MRPL10: variants seen among roughly 807,000 people sequenced by gnomAD.
MRPL10 encodes mitochondrial ribosomal protein L10.
In MRPL10, 14 loss-of-function variants were observed where a neutral mutation model predicts 19.8. The ratio of observed to expected loss-of-function variants is 0.71; its 90% CI spans 0.47 to 1.11. The LOEUF (loss-of-function observed/expected upper bound fraction) is 1.11, where lower values mean the gene tolerates loss of function less well. Ranked by LOEUF, MRPL10 falls within the 50% of genes least tolerant of loss-of-function variation. The pLI is 0.00. For synonymous variants in MRPL10, 129 were observed against 139.2 expected, an observed-to-expected ratio of 0.93 and a Z score of 0.52; for missense variants, 318 against 339.6, an observed-to-expected ratio of 0.94 and a Z score of 0.50.
chr17:47,825,987 A>G (rs147684050), intron 4 of MRPL10, among the ~76,000 whole-genome samples: 9 of 149,330 alleles, frequency 6.0e-5, no homozygotes, highest in African/African-American at 2.0e-4. Flanking sequence ...AAAAATACGA[A>G]AAAAAAAAAA....
rs139042517 is a variant in MRPL10 at position 47,824,526 on chromosome 17, C to T, written c.533-68G>A. ...TTCTTCTCTGAAAACAATATTCTGA[C>T]CCTAGTAACTTGCTCTCCATTGCCC... On this transcript the variant is annotated intron_variant, in intron 4 of 4. Coordinates refer to ENST00000351111, the MANE Select transcript of MRPL10 (RefSeq NM_145255.4). The T allele has an allele frequency of 5.8e-3, 8,583 of 1,491,682 alleles. 43 individuals carry two copies. The highest frequency in any genetic ancestry group is 0.016 in the Middle Eastern group (89 of 5,446). 92.4% of individuals were successfully genotyped at this position (1,491,682 alleles called of 1,614,324 possible).
intron 4 of MRPL10, among the ~76,000 whole-genome samples, chr17:47,825,516 T>C (rs868364459): frequency 6.6e-6 from 1 of 151,966 alleles, no homozygotes; most frequent in Non-Finnish European, 1.5e-5. Flanking sequence ...TCCCAGCTAC[T>C]TAGGAAGTTA....
Position 47,831,485 on chromosome 17 carries a change from C to T in MRPL10, c.27G>A (p.Leu9=). 6.5e-7 allele frequency: 1 copy of T among 1,549,036 alleles called. No homozygotes were observed. Among genetic ancestry groups the T allele is most frequent in the East Asian group, 2.4e-5 (1 of 40,900 alleles). The part of the protein sequence containing the change: MAAAVAGM[L]RGGLLPQAGR... Reference sequence around the variant, plus strand: ...CCGCCTGGGGCAGGAGACCCCCTCGCAGCATCCCCGCCACGGCCGCAGCCA... The same window carrying T: ...CCGCCTGGGGCAGGAGACCCCCTCGTAGCATCCCCGCCACGGCCGCAGCCA... Residue 9 remains leucine (L), a synonymous_variant, in exon 1 of 5, where the codon CTG becomes CTA. Transcript: ENST00000351111.
chr17:47,831,478 C>A lies in MRPL10; in HGVS notation c.34G>T (p.Gly12Cys), dbSNP rs547336142. The part of the protein sequence containing the change: ...AAAVAGMLRG[G>C]LLPQAGRLPT... Reference sequence around the variant, plus strand: ...TCCTTACCCGCCTGGGGCAGGAGACCCCCTCGCAGCATCCCCGCCACGGCC... The same window carrying A: ...TCCTTACCCGCCTGGGGCAGGAGACACCCTCGCAGCATCCCCGCCACGGCC... The change falls in exon 1 of 5, where the codon GGT (glycine) becomes TGT (cysteine). Residue 12 changes from glycine (G) to cysteine (C), a missense_variant. Gly to Cys is a radical substitution (Grantham distance 159, BLOSUM62 -3). Coordinates refer to ENST00000351111, the MANE Select transcript of MRPL10 (RefSeq NM_145255.4). 2.1e-5 allele frequency: 32 copies of A among 1,548,942 alleles called. No homozygotes were observed. The highest frequency in any genetic ancestry group is 3.4e-4 in the Middle Eastern group (2 of 5,828).
At chr17:47,829,894 CAAA>C (rs202029179) in intron 1 of MRPL10, among the ~76,000 whole-genome samples, 1 of 135,980 alleles carries the variant, frequency 7.4e-6, no homozygotes, top group African/African-American at 2.8e-5. Context: ...AAGACTGTCT[CAAA>C]AAAAAAAAAA....
chr17:47,824,309 G>A lies in MRPL10; in HGVS notation c.682C>T (p.Gln228Ter). 6.2e-7 allele frequency: 1 copy of A among 1,614,158 alleles called. No homozygotes were observed. The highest frequency in any genetic ancestry group is 8.5e-7 in the Non-Finnish European group (1 of 1,180,026). ...THSLLQHQPL[Q>*]LTTLLDQYIR... is the part of the protein sequence containing the mutation. ...TACTGGTCCAACAGGGTGGTCAGCT[G>A]GAGGGGCTGGTGCTGGAGCAGGGAG... Residue 228 changes from glutamine to a stop codon, truncating the protein, a stop_gained, in exon 5 of 5, where the codon CAG (glutamine) becomes TAG (stop). Coordinates refer to ENST00000351111, the MANE Select transcript of MRPL10 (RefSeq NM_145255.4). LOFTEE classifies it low-confidence loss of function (END_TRUNC).
rs1248015061 is a variant in MRPL10, at chr17:47,824,288, G to A, written c.703C>T (p.Gln235Ter). The A allele has an allele frequency of 6.2e-7, 1 of 1,614,018 alleles. No homozygotes were observed. Among genetic ancestry groups the A allele is most frequent in the Non-Finnish European group, 8.5e-7 (1 of 1,180,016 alleles). ...TTCTCGCGTTGCTCTCTGATGTACTGGTCCAACAGGGTGGTCAGCTGGAGG... is the reference window on the plus strand; with the variant it reads ...TTCTCGCGTTGCTCTCTGATGTACTAGTCCAACAGGGTGGTCAGCTGGAGG... ...QPLQLTTLLD[Q>*]YIREQREKDS... The change falls in exon 5 of 5, where the codon CAG becomes TAG. Residue 235 changes from glutamine (Q) to a stop codon, truncating the protein, a stop_gained. Transcript: ENST00000351111. LOFTEE classifies it low-confidence loss of function (END_TRUNC).
intron 4 of MRPL10, among the ~76,000 whole-genome samples, chr17:47,825,965 C>A: frequency 6.7e-6 from 1 of 148,576 alleles, no homozygotes; most frequent in South Asian, 2.2e-4. Flanking sequence ...ACGGTGAAAC[C>A]CCATCTCTAC....
chr17:47,824,106 C>T lies in MRPL10; in HGVS notation c.*99G>A. On this transcript the variant is annotated 3_prime_UTR_variant, in exon 5 of 5. Transcript: ENST00000351111. ...TTACTAGTGAAAACCAAGTGACAAACACACTCCCCGACCCCAAGTTCTTCC... is the reference window on the plus strand; with the variant it reads ...TTACTAGTGAAAACCAAGTGACAAATACACTCCCCGACCCCAAGTTCTTCC... 2.0e-6 allele frequency: 3 copies of T among 1,519,756 alleles called. No homozygotes were observed. Among genetic ancestry groups the T allele is most frequent in the Non-Finnish European group, 2.7e-6 (3 of 1,108,488 alleles). 94.1% of individuals were successfully genotyped at this position (1,519,756 alleles called of 1,614,324 possible).
intron 1 of MRPL10, among the ~76,000 whole-genome samples, 165 bp from the exon 2 acceptor site, chr17:47,828,835 C>G (rs2033579193): frequency 6.6e-6 from 1 of 152,194 alleles, no homozygotes; most frequent in East Asian, 1.9e-4. Flanking sequence ...CCTGAATTTC[C>G]AAAGCTTCTC....
Position 47,828,559 on chromosome 17 carries a change from G to A in MRPL10, c.164C>T (p.Pro55Leu). ...QKLMAVTEYI[P>L]PKPAIHPSCL... ...TGATGGGTGGATGGCTGGTTTCGGGGGGATATATTCAGTCACAGCCATCAG... is the reference window on the plus strand; with the variant it reads ...TGATGGGTGGATGGCTGGTTTCGGGAGGATATATTCAGTCACAGCCATCAG... The change falls in exon 2 of 5, where the codon CCC (proline) becomes CTC (leucine). Residue 55 changes from proline (P) to leucine (L), a missense_variant. Physicochemically the swap from Pro to Leu is moderately conservative, Grantham distance 98. Transcript: ENST00000351111. 2.0e-6 allele frequency: 3 copies of A among 1,497,916 alleles called. No homozygotes were observed. The highest frequency in any genetic ancestry group is 2.7e-6 in the Non-Finnish European group (3 of 1,128,562). The allele number at this position is 1,497,916 out of a possible 1,614,324, so 92.8% of individuals were successfully genotyped here.
At chr17:47,824,522 C>T in intron 4 of MRPL10, 64 bp from the exon 5 acceptor site, 7 of 1,495,430 alleles carry the variant, frequency 4.7e-6, no homozygotes, top group Non-Finnish European at 6.2e-6. Flanking sequence ...AAACAATATT[C>T]TGACCCTAGT....
chr17:47,829,184 A>T (rs2033584489), intron 1 of MRPL10: 1 of 155,438 alleles, frequency 6.4e-6, no homozygotes, highest in Admixed American at 6.5e-5. Context: ...GAATCGCTTG[A>T]ACCCGGGAGG....
At chr17:47,830,805 C>A (rs955070239) in intron 1 of MRPL10, among the ~76,000 whole-genome samples, 1 of 152,154 alleles carries the variant, frequency 6.6e-6, no homozygotes, top group Non-Finnish European at 1.5e-5. Flanking sequence ...CGCGCCCAGC[C>A]GAAACTGGAT....
chr17:47,831,453 T>A lies in MRPL10; in HGVS notation c.52+7A>T, dbSNP rs373985626. ...GACACGCCGTGAGGACCTGGGCCAC[T>A]CCTTACCCGCCTGGGGCAGGAGACC... On this transcript the variant is annotated splice_region_variant and intron_variant, in intron 1 of 4. Coordinates refer to ENST00000351111, the MANE Select transcript of MRPL10 (RefSeq NM_145255.4). 2.5e-4 allele frequency: 383 copies of A among 1,548,646 alleles called. No individual in the cohort carries two copies. The highest frequency in any genetic ancestry group is 3.2e-4 in the Non-Finnish European group (368 of 1,146,790).
At chr17:47,828,346 C>T (rs1392007365) in intron 2 of MRPL10, 155 bp downstream of exon 2, 18 of 531,848 alleles carry the variant, frequency 3.4e-5, no homozygotes, top group Non-Finnish European at 5.1e-5. Context: ...GAATCAAGTG[C>T]GGATTTCATC....
At chr17:47,826,957 C>G in intron 3 of MRPL10, 83 bp downstream of exon 3, 1 of 1,491,932 alleles carries the variant, frequency 6.7e-7, no homozygotes, top group African/African-American at 1.4e-5. Context: ...GAAGTATCAT[C>G]ACTGGGGAGC....
At chr17:47,826,257 G>A (rs1380263651) in intron 4 of MRPL10, among the ~76,000 whole-genome samples, 7 of 151,748 alleles carry the variant, frequency 4.6e-5, no homozygotes, top group African/African-American at 1.7e-4. Context: ...CCTTAAGTGA[G>A]TCAGCATCAG....
At chr17:47,824,738 G>C (rs893109353) in intron 4 of MRPL10, among the ~76,000 whole-genome samples, 2 of 152,232 alleles carry the variant, frequency 1.3e-5, no homozygotes, top group Non-Finnish European at 2.9e-5. Flanking sequence ...AGGCAGCCAG[G>C]TGTGGTGGCT....
Sources: gnomAD v4.1 joint callset for allele counts (sites outside exome capture counted in the v4.1 genomes callset) on GRCh38, gnomAD v4.1.1 for gene constraint, MANE v1.5 for transcripts, NCBI Gene and HGNC (gene_info 2026-07-23, HGNC 2026-07-21) for gene names.